CNOT3: variants seen among roughly 807,000 people sequenced by gnomAD.
CNOT3 encodes CCR4-associated factor 3.
In CNOT3, 2 loss-of-function variants were observed where a neutral mutation model predicts 89.4. The ratio of observed to expected loss-of-function variants is 0.02; its 90% CI spans 0.01 to 0.07. The LOEUF (loss-of-function observed/expected upper bound fraction) is 0.07, where lower values mean the gene tolerates loss of function less well. Among genes scored for constraint, CNOT3 ranks in the 10% least tolerant of loss-of-function variants. CNOT3 has a pLI of 1.00. For synonymous variants in CNOT3, 486 were observed against 402.0 expected, an observed-to-expected ratio of 1.21 and a Z score of -2.50; for missense variants, 664 against 1,010.2, an observed-to-expected ratio of 0.66 and a Z score of 4.65.
intron 1 of CNOT3, among the ~76,000 whole-genome samples, chr19:54,139,094 C>T (rs1357825750): frequency 3.3e-5 from 5 of 152,222 alleles, no homozygotes; most frequent in African/African-American, 1.2e-4. Flanking sequence ...AGTGAGCTCC[C>T]ACTGCGGGCA....
chr19:54,143,889 C>A, intron 5 of CNOT3, 117 bp from the exon 6 acceptor site: 4 of 1,485,886 alleles, frequency 2.7e-6, no homozygotes, highest in Non-Finnish European at 3.7e-6. Flanking sequence ...AGTGAAGAGG[C>A]AGCGGACTCA....
chr19:54,149,744 G>A lies in CNOT3; in HGVS notation c.1591G>A (p.Ala531Thr), dbSNP rs587710876. The change falls in exon 13 of 18, where the codon GCC becomes ACC. Residue 531 changes from alanine (A) to threonine (T), a missense_variant. Around this residue, in one of 8 missense-constraint regions of CNOT3, gnomAD observed 545 missense variants for 566.2 expected, o/e 0.96. Coordinates refer to ENST00000221232, the MANE Select transcript of CNOT3 (RefSeq NM_014516.4). ...CAATGGGCCTCCACAGTTCAGCACC[G>A]CCCCAGAAATCAAGGTGGGCTCCTC... ...LLNGPPQFST[A>T]PEIKAPEPLS... The A allele has an allele frequency of 9.7e-5, 156 of 1,607,828 alleles. 3 individuals are homozygous for A. The South Asian group carries it at 1.1e-3, about 12-fold the overall frequency.
intron 17 of CNOT3, chr19:54,155,062 G>A (rs144474421): frequency 1.1e-5 from 6 of 552,188 alleles, no homozygotes; most frequent in South Asian, 4.5e-5. Flanking sequence ...CTGGGGCCCC[G>A]TTCTGGCAGC....
intron 16 of CNOT3, chr19:54,153,314 C>G (rs746796217): frequency 1.3e-6 from 1 of 761,856 alleles, no homozygotes; most frequent in East Asian, 2.4e-5. Context: ...CAGTCTAGGC[C>G]GACCCCACTC....
intron 12 of CNOT3, among the ~76,000 whole-genome samples, chr19:54,149,222 T>A (rs2074904250): frequency 2.0e-5 from 3 of 152,096 alleles, no homozygotes; most frequent in Admixed American, 1.3e-4. Flanking sequence ...TCCTGCCCCC[T>A]CACCCCAGCT....
intron 1 of CNOT3, among the ~76,000 whole-genome samples, chr19:54,138,383 TG>T (rs2074305621): frequency 6.6e-6 from 1 of 152,062 alleles, no homozygotes; most frequent in South Asian, 2.1e-4. Flanking sequence ...GCTGGAAGGA[TG>T]GAGGCGCCCC....
At chr19:54,138,163 G>C (rs1219275249) in intron 1 of CNOT3, among the ~76,000 whole-genome samples, 170 bp downstream of exon 1, 1 of 151,814 alleles carries the variant, frequency 6.6e-6, no homozygotes, top group Non-Finnish European at 1.5e-5. Flanking sequence ...CCCGGCGGGG[G>C]GCGGCTCCCT....
intron 13 of CNOT3, among the ~76,000 whole-genome samples, chr19:54,151,104 T>G (rs2075074524): frequency 6.6e-6 from 1 of 152,088 alleles, no homozygotes; most frequent in African/African-American, 2.4e-5. Context: ...ATTTTAGAAG[T>G]AGGTGGACAG....
chr19:54,142,888 C>A, intron 1 of CNOT3, 41 bp from the exon 2 acceptor site: 2 of 1,347,356 alleles, frequency 1.5e-6, no homozygotes, highest in Non-Finnish European at 2.1e-6. Flanking sequence ...TTTTACCAGC[C>A]AGGGAATACG....
At chr19:54,139,721 GT>G (rs1352025003) in intron 1 of CNOT3, among the ~76,000 whole-genome samples, 1 of 152,120 alleles carries the variant, frequency 6.6e-6, no homozygotes, top group African/African-American at 2.4e-5. Context: ...GTAAGGCATA[GT>G]TTCCTGGCTG....
At chr19:54,155,050 G>A (rs2075337397) in intron 17 of CNOT3, 3 of 544,270 alleles carry the variant, frequency 5.5e-6, no homozygotes, top group Non-Finnish European at 9.8e-6. Flanking sequence ...TCACACCTGG[G>A]GCTGGGGCCC....
chr19:54,153,521 CCTGT>C (rs1430615975), intron 16 of CNOT3, 190 bp from the exon 17 acceptor site: 1 of 778,636 alleles, frequency 1.3e-6, no homozygotes, highest in Non-Finnish European at 2.4e-6. Flanking sequence ...ATTTTCACCT[CCTGT>C]CTCATTTTCC....
At chr19:54,153,041 C>T (rs373905326) in intron 16 of CNOT3, 42 bp downstream of exon 16, 78 of 1,567,880 alleles carry the variant, frequency 5.0e-5, no homozygotes, top group Middle Eastern at 1.7e-4. Context: ...CCCCCGGCTT[C>T]GCCGCCACCG....
Position 54,149,647 on chromosome 19 carries a change from G to C in CNOT3, c.1494G>C (p.Val498=), listed in dbSNP as rs2074943118. The C allele has an allele frequency of 3.1e-6, 5 of 1,613,954 alleles. No individual in the cohort carries two copies. The highest frequency in any genetic ancestry group is 4.2e-6 in the Non-Finnish European group (5 of 1,179,916). The change falls in exon 13 of 18, where the codon GTG becomes GTC. Residue 498 remains valine (V), a synonymous_variant. Transcript: ENST00000221232. ...ACTCAGGGGGACCCAGCCTCCTGGT[G>C]CCACTGCCTGTGAATCCTCCCAGCT... The part of the protein sequence containing the change: ...GNNSGGPSLL[V]PLPVNPPSSP...
intron 13 of CNOT3, among the ~76,000 whole-genome samples, chr19:54,150,613 G>A (rs1438710050): frequency 1.3e-5 from 2 of 151,884 alleles, no homozygotes; most frequent in African/African-American, 2.4e-5. Context: ...AGGCTGTCCA[G>A]GAGGCAGTGT....
chr19:54,149,937 A>G (rs1568665646), intron 13 of CNOT3, among the ~76,000 whole-genome samples, 179 bp downstream of exon 13: 1 of 150,724 alleles, frequency 6.6e-6, no homozygotes, highest in African/African-American at 2.4e-5. Context: ...CGTGACCTTG[A>G]TCTCTGGGGG....
chr19:54,152,764 C>A, intron 15 of CNOT3, 103 bp from the exon 16 acceptor site: 2 of 871,820 alleles, frequency 2.3e-6, no homozygotes, highest in Non-Finnish European at 3.8e-6. Flanking sequence ...CGCCCTGGGT[C>A]TTTCTGTACC....
At position 54,148,650 on chromosome 19, in the gene CNOT3, C is replaced by G; in HGVS notation, c.1313C>G (p.Ala438Gly). The change falls in exon 12 of 18, where the codon GCA (alanine) becomes GGA (glycine). Residue 438 changes from alanine to glycine, a missense_variant. Ala to Gly is a moderately conservative substitution (Grantham distance 60). This residue lies in a region of CNOT3 where 545 missense variants were observed against 566.2 expected (regional missense o/e 0.96). Coordinates refer to ENST00000221232, the MANE Select transcript of CNOT3 (RefSeq NM_014516.4). The surrounding 1 kb of genome is among the most constrained non-coding windows in gnomAD (Gnocchi z 6.3). The stretch of plus-strand genomic sequence containing the variant: ...AGCTCAGTTGTGGCAGACAGCCCGG[C>G]AGAGGTGGCTTTGAGCAGCAGTGGG... ...SYSSVVADSP[A>G]EVALSSSGGN... is the part of the protein sequence containing the mutation. 1 of 1,610,736 alleles carries G rather than the reference C, an allele frequency of 6.2e-7. No individual in the cohort carries two copies. The highest frequency in any genetic ancestry group is 8.5e-7 in the Non-Finnish European group (1 of 1,178,588).
At position 54,148,655 on chromosome 19, in the gene CNOT3, G is replaced by A; in HGVS notation, c.1318G>A (p.Val440Met). ...SSVVADSPAEVALSSSGGNNA... is the reference protein window; with the variant it reads ...SSVVADSPAEMALSSSGGNNA... Reference sequence around the variant, plus strand: ...AGTTGTGGCAGACAGCCCGGCAGAGGTGGCTTTGAGCAGCAGTGGGGGCAA... The same window carrying A: ...AGTTGTGGCAGACAGCCCGGCAGAGATGGCTTTGAGCAGCAGTGGGGGCAA... The change falls in exon 12 of 18, where the codon GTG (valine) becomes ATG (methionine). Residue 440 changes from valine (V) to methionine (M), a missense_variant. Transcript: ENST00000221232. This position sits in a 1 kb window ranked among gnomAD's most constrained non-coding sequence, Gnocchi z 6.3. 4 of 1,610,884 alleles carry A rather than the reference G, an allele frequency of 2.5e-6. No individual in the cohort carries two copies. The highest frequency in any genetic ancestry group is 3.4e-6 in the Non-Finnish European group (4 of 1,178,720).
Sources: allele counts gnomAD v4.1 joint callset (sites outside exome capture counted in the v4.1 genomes callset), GRCh38; gene constraint gnomAD v4.1.1; regional missense constraint gnomAD v4.1.1; non-coding constraint Gnocchi (gnomAD v3.1); transcripts MANE v1.5; gene names NCBI Gene and HGNC (gene_info 2026-07-23, HGNC 2026-07-21).